Variants in ACSM2A observed in about 807,000 individuals in gnomAD.
ACSM2A encodes the protein acyl-CoA synthetase medium chain family member 2A.
A neutral mutation model predicts 76.6 loss-of-function variants in ACSM2A; 72 were observed. The ratio of observed to expected loss-of-function variants is 0.94; its 90% CI spans 0.78 to 1.14. The LOEUF (loss-of-function observed/expected upper bound fraction) is 1.14, where lower values mean the gene tolerates loss of function less well. Ranked by LOEUF, ACSM2A falls within the 50% of genes most tolerant of loss-of-function variation. The pLI, the probability that ACSM2A is intolerant of heterozygous loss-of-function variation, is 0.00. For synonymous variants in ACSM2A, 249 were observed against 255.9 expected, an observed-to-expected ratio of 0.97 and a Z score of 0.26; for missense variants, 684 against 708.5, an observed-to-expected ratio of 0.97 and a Z score of 0.39.
intron 1 of ACSM2A, among the ~76,000 whole-genome samples, chr16:20,458,351 CTAATA>C (rs2012330941): frequency 6.8e-6 from 1 of 146,306 alleles, no homozygotes; most frequent in African/African-American, 2.5e-5. Flanking sequence ...TATTATATAT[CTAATA>C]TATCTAGATA....
In ACSM2A at chr16:20,487,655, T is replaced by C. The variant is rs1181871435; in HGVS notation, c.*977T>C. 1.3e-5 allele frequency: 2 copies of C among 152,196 alleles called. No individual in the cohort carries two copies. Among genetic ancestry groups the C allele is most frequent in the African/African-American group, 4.8e-5 (2 of 41,434 alleles). 9.4% of individuals were successfully genotyped at this position (152,196 alleles called of 1,614,324 possible). On this transcript the variant is annotated 3_prime_UTR_variant, in exon 14 of 14. Transcript: ENST00000573854. ...CTCTTCCTAGAATCAAATATTAAAATAATTTTAAAACCAAGATCCTGACAA... is the reference window on the plus strand; with the variant it reads ...CTCTTCCTAGAATCAAATATTAAAACAATTTTAAAACCAAGATCCTGACAA...
intron 2 of ACSM2A, among the ~76,000 whole-genome samples, chr16:20,461,219 A>G (rs1424573229): frequency 2.0e-5 from 3 of 147,586 alleles, no homozygotes; most frequent in South Asian, 2.2e-4. Context: ...AGTTCCCTAC[A>G]CTATGAAACA....
chr16:20,486,652 A>T lies in ACSM2A; in HGVS notation c.1708A>T (p.Met570Leu). 1.2e-6 allele frequency: 2 copies of T among 1,614,184 alleles called. No homozygotes were observed. Among genetic ancestry groups the T allele is most frequent in the Non-Finnish European group, 1.7e-6 (2 of 1,180,032 alleles). ...RAKLRDKEWK[M>L]SGKARAQ is the part of the protein sequence containing the mutation. ...CAAGCTTCGAGACAAGGAGTGGAAG[A>T]TGTCCGGAAAAGCCCGTGCGCAGTG... The change falls in exon 14 of 14, where the codon ATG becomes TTG. Residue 570 changes from methionine (M) to leucine (L), a missense_variant. Physicochemically the swap from Met to Leu is conservative, Grantham distance 15 (BLOSUM62 2). Around this residue, in one of 3 missense-constraint regions of ACSM2A, gnomAD observed 159 missense variants for 132.5 expected, o/e 1.20. Transcript: ENST00000573854.
intron 8 of ACSM2A, 144 bp downstream of exon 8, chr16:20,475,917 G>A: frequency 6.7e-7 from 1 of 1,499,176 alleles, no homozygotes; most frequent in East Asian, 2.3e-5. Flanking sequence ...CAGGTACTGA[G>A]TATTGAAAAT....
rs1353081035 is a variant in ACSM2A, at chr16:20,465,727, G to A, written c.388G>A (p.Gly130Ser). 31 of 1,613,186 alleles carry A rather than the reference G, an allele frequency of 1.9e-5. No homozygotes were observed. The highest frequency in any genetic ancestry group is 2.5e-5 in the Non-Finnish European group (29 of 1,179,366). The change falls in exon 3 of 14, where the codon GGT becomes AGT. Residue 130 changes from glycine to serine, a missense_variant and splice_region_variant. By Grantham distance (56) the Gly-to-Ser change is moderately conservative (BLOSUM62 0). Around this residue, in one of 3 missense-constraint regions of ACSM2A, gnomAD observed 519 missense variants for 549.5 expected, o/e 0.94. Coordinates refer to ENST00000573854, the MANE Select transcript of ACSM2A (RefSeq NM_001308172.2). ...GGTGATCCTGGGCTGCATTCGAGCA[G>A]GTTGGTAACTGACTACCTGGACAGA... ...WLVILGCIRA[G>S]LIFMPGTIQM... is the part of the protein sequence containing the mutation.
intron 10 of ACSM2A, among the ~76,000 whole-genome samples, chr16:20,480,033 T>C (rs1316322077): frequency 6.6e-6 from 1 of 152,226 alleles, no homozygotes; most frequent in Non-Finnish European, 1.5e-5. Context: ...GATAGGAAGA[T>C]GCACTGACAA....
intron 3 of ACSM2A, among the ~76,000 whole-genome samples, chr16:20,467,785 A>G (rs914342089): frequency 2.6e-5 from 4 of 152,170 alleles, no homozygotes; most frequent in Non-Finnish European, 5.9e-5. Context: ...GTTGGATTTA[A>G]GGCTCTAAAA....
At chr16:20,459,754 T>G (rs966767213) in intron 1 of ACSM2A, among the ~76,000 whole-genome samples, 4 of 152,146 alleles carry the variant, frequency 2.6e-5, no homozygotes, top group African/African-American at 9.7e-5. Flanking sequence ...GAATGGGGAT[T>G]TATAATCCTA....
At chr16:20,477,495 A>T in intron 9 of ACSM2A, 46 bp downstream of exon 9, 1 of 1,569,832 alleles carries the variant, frequency 6.4e-7, no homozygotes, top group Non-Finnish European at 8.6e-7. Flanking sequence ...GGAAACACTG[A>T]TTTTCAGTGA....
At chr16:20,474,815 G>A (rs1021053894) in intron 6 of ACSM2A, among the ~76,000 whole-genome samples, 1 of 152,182 alleles carries the variant, frequency 6.6e-6, no homozygotes, top group African/African-American at 2.4e-5. Context: ...AGATAACACA[G>A]GACATGGCAA....
In ACSM2A at chr16:20,479,237, C is replaced by A. The variant is rs958112072; in HGVS notation, c.1281+560C>A. ...ACCATTAGAAAGTGGACAGAGAAGACCCCAAGGGCATGCCTTCTGATCCCT... is the reference window on the plus strand; with the variant it reads ...ACCATTAGAAAGTGGACAGAGAAGAACCCAAGGGCATGCCTTCTGATCCCT... On this transcript the variant is annotated intron_variant, in intron 10 of 13. Transcript: ENST00000573854. Among the ~76,000 whole-genome samples, 19 of 152,180 alleles carry A rather than the reference C, an allele frequency of 1.2e-4. 1 individual carries two copies. Among genetic ancestry groups the A allele is most frequent in the South Asian group, 8.3e-4 (4 of 4,802 alleles).
chr16:20,486,043 A>C (rs2014367843), intron 13 of ACSM2A, among the ~76,000 whole-genome samples: 1 of 152,256 alleles, frequency 6.6e-6, no homozygotes, highest in African/African-American at 2.4e-5. Context: ...TGTGGAATTC[A>C]AAATGAGGTA....
Position 20,475,443 on chromosome 16 carries a change from T to A in ACSM2A, c.974+2T>A, listed in dbSNP as rs1409484912. 6.2e-7 allele frequency: 1 copy of A among 1,613,722 alleles called. No individual in the cohort carries two copies. Among genetic ancestry groups the A allele is most frequent in the Admixed American group, 1.7e-5 (1 of 59,990 alleles). ...GTTGCTACAGCAGGATCTTTCCAGG[T>A]GATGGGGCTTTGAGGATTGGTAAGA... On this transcript the variant is annotated splice_donor_variant, in intron 7 of 13. Transcript: ENST00000573854. LOFTEE classifies it high-confidence loss of function.
intron 3 of ACSM2A, among the ~76,000 whole-genome samples, chr16:20,468,474 C>G (rs953720046): frequency 5.3e-5 from 8 of 152,334 alleles, no homozygotes; most frequent in East Asian, 1.9e-4. Flanking sequence ...ATCCTCCTGC[C>G]TCAGCCTCCT....
At chr16:20,451,989 G>C (rs1219551784) in intron 1 of ACSM2A, 3 of 151,228 alleles carry the variant, frequency 2.0e-5, no homozygotes, top group Non-Finnish European at 2.9e-5. Flanking sequence ...ATGAAGAAGA[G>C]CTTATTATGG....
At chr16:20,462,129 A>G (rs1273718738) in intron 2 of ACSM2A, among the ~76,000 whole-genome samples, 1 of 152,170 alleles carries the variant, frequency 6.6e-6, no homozygotes, top group Non-Finnish European at 1.5e-5. Flanking sequence ...TCAGTCTTAG[A>G]TTTTACAATA....
At chr16:20,486,455 G>A (rs1282441033) in intron 13 of ACSM2A, 119 bp from the exon 14 acceptor site, 4 of 1,092,886 alleles carry the variant, frequency 3.7e-6, no homozygotes, top group Middle Eastern at 2.2e-4. Context: ...ATTGCACAGG[G>A]CAGCTGCCCT....
chr16:20,478,266 C>T (rs140023405), intron 9 of ACSM2A, among the ~76,000 whole-genome samples: 13 of 152,312 alleles, frequency 8.5e-5, no homozygotes, highest in African/African-American at 3.1e-4. Context: ...TGCCCGATTT[C>T]TAAGTCCACA....
At chr16:20,473,669 C>T (rs201138710) in intron 6 of ACSM2A, among the ~76,000 whole-genome samples, 1 of 152,120 alleles carries the variant, frequency 6.6e-6, no homozygotes, top group African/African-American at 2.4e-5. Context: ...AATCCTAAGG[C>T]CCCATCCCGC....
Sources: gnomAD v4.1 joint callset for allele counts (sites outside exome capture counted in the v4.1 genomes callset) on GRCh38, gnomAD v4.1.1 for gene constraint, gnomAD v4.1.1 regional missense constraint, MANE v1.5 for transcripts, NCBI Gene and HGNC (gene_info 2026-07-23, HGNC 2026-07-21) for gene names.